CSMD1: variants seen among roughly 807,000 people sequenced by gnomAD.
CSMD1 encodes CUB and Sushi multiple domains 1, also known as CUB and sushi domain-containing protein 1.
A neutral mutation model predicts 417.5 loss-of-function variants in CSMD1; 213 were observed. That is an observed-to-expected ratio of 0.51 (90% CI 0.46 to 0.57). CSMD1 has a LOEUF of 0.57. Among genes scored for constraint, CSMD1 ranks in the 20% least tolerant of loss-of-function variants. CSMD1 has a pLI of 0.00. For missense variants in CSMD1, 6,923 were observed against 4,529.7 expected (o/e 1.53, Z -15.17); for synonymous variants, 2,862 against 1,736.8 (o/e 1.65, Z -16.11).
chr8:4,575,024 G>C (rs1042487681), intron 2 of CSMD1, among the ~76,000 whole-genome samples: 1 of 152,076 alleles, frequency 6.6e-6, no homozygotes, highest in Admixed American at 6.5e-5. Flanking sequence ...AAGGAGAAAG[G>C]GCCCCTGGAA....
At chr8:4,735,069 C>T (rs1166356350) in intron 1 of CSMD1, among the ~76,000 whole-genome samples, 1 of 152,214 alleles carries the variant, frequency 6.6e-6, no homozygotes, top group Non-Finnish European at 1.5e-5. Context: ...AAGCAAATTG[C>T]TGCTCGTTAA....
At chr8:3,836,798 C>A (rs1298469431) in intron 5 of CSMD1, among the ~76,000 whole-genome samples, 27 of 151,946 alleles carry the variant, frequency 1.8e-4, no homozygotes, top group Admixed American at 1.8e-3. Context: ...TTATTTATTT[C>A]TTCTCACAGT....
At chr8:3,387,749 C>G (rs773194838) in intron 17 of CSMD1, 67 bp from the exon 18 acceptor site, 1 of 1,260,618 alleles carries the variant, frequency 7.9e-7, no homozygotes, top group Non-Finnish European at 1.1e-6. Flanking sequence ...TAGAGACCCA[C>G]GCCATCAACT....
rs776640532 is a variant in CSMD1 at position 3,018,520 on chromosome 8, G to A, written c.7986C>T (p.Cys2662=). The A allele has an allele frequency of 1.2e-6, 2 of 1,613,590 alleles. No individual in the cohort carries two copies. The highest frequency in any genetic ancestry group is 2.2e-5 in the South Asian group (2 of 91,036). Residue 2662 remains cysteine, a synonymous_variant, in exon 52 of 70, where the codon TGC becomes TGT. Transcript: ENST00000635120. ...TGCCGCTCCAGAGCCCATTTGCCAA[G>A]CACTCTCTGACATGAGACCCCACAA... ...YTLVGSHVRE[C]LANGLWSGSE...
At position 4,266,780 on chromosome 8, in the gene CSMD1, A is replaced by G. The variant is rs1184060181; in HGVS notation, c.415+153173T>C. 1.9e-5 allele frequency among the ~76,000 whole-genome samples: 2 copies of G among 105,182 alleles called. 1 individual carries two copies. Among genetic ancestry groups the G allele is most frequent in the African/African-American group, 5.2e-5 (2 of 38,560 alleles). The allele number at this position is 105,182 out of a possible 152,430, so 69.0% of individuals were successfully genotyped here. On this transcript the variant is annotated intron_variant, in intron 3 of 69. Coordinates refer to ENST00000635120, the MANE Select transcript of CSMD1 (RefSeq NM_033225.6). ...CTATAAATCCTCAAAATAGTAGCAC[A>G]GAGAATCTAGATGAAAACTTAAATA...
At chr8:4,064,775 A>G (rs1365858185) in intron 3 of CSMD1, among the ~76,000 whole-genome samples, 2 of 152,118 alleles carry the variant, frequency 1.3e-5, no homozygotes, top group Non-Finnish European at 2.9e-5. Context: ...AATCCAGTCC[A>G]TTTAGAAACA....
intron 1 of CSMD1, chr8:4,788,159 A>T: frequency 1.3e-6 from 2 of 1,598,646 alleles, no homozygotes; most frequent in Non-Finnish European, 1.7e-6. Context: ...ACTGTGAAAA[A>T]ATCAAGAAGG....
chr8:3,052,381 C>T (rs566294111), intron 50 of CSMD1, 81 bp downstream of exon 50: 33 of 1,070,076 alleles, frequency 3.1e-5, no homozygotes, highest in African/African-American at 2.4e-4. Context: ...GACCTCTGAA[C>T]GTGGGAACCC....
At chr8:3,771,719 A>G (rs892789342) in intron 5 of CSMD1, among the ~76,000 whole-genome samples, 2 of 152,108 alleles carry the variant, frequency 1.3e-5, no homozygotes, top group African/African-American at 4.8e-5. Context: ...AGCAGACAAA[A>G]CGCAAGATTC....
intron 7 of CSMD1, among the ~76,000 whole-genome samples, chr8:3,660,189 G>A (rs1464531724): frequency 2.6e-5 from 4 of 152,164 alleles, no homozygotes. Context: ...GGTTTAGAGT[G>A]TGGGTTTGGG....
intron 3 of CSMD1, among the ~76,000 whole-genome samples, chr8:4,235,842 T>A (rs1802014615): frequency 6.6e-6 from 1 of 152,158 alleles, no homozygotes; most frequent in Non-Finnish European, 1.5e-5. Context: ...AGAGGAGACA[T>A]CCTGCCATCC....
chr8:3,602,618 G>A (rs536184197), intron 8 of CSMD1, among the ~76,000 whole-genome samples: 1 of 151,826 alleles, frequency 6.6e-6, no homozygotes, highest in Non-Finnish European at 1.5e-5. Context: ...AGTAGAATAT[G>A]GCAAACACAT....
At chr8:3,511,051 T>TA (rs1297338001) in intron 10 of CSMD1, among the ~76,000 whole-genome samples, 2 of 151,616 alleles carry the variant, frequency 1.3e-5, no homozygotes, top group African/African-American at 4.9e-5. Context: ...TATGCAGCAA[T>TA]AAAAAAGGAT....
chr8:4,234,937 A>C (rs937239361), intron 3 of CSMD1, among the ~76,000 whole-genome samples: 1 of 152,126 alleles, frequency 6.6e-6, no homozygotes, highest in African/African-American at 2.4e-5. Context: ...CTGATGTGCT[A>C]ATCTTGATTC....
intron 3 of CSMD1, among the ~76,000 whole-genome samples, chr8:4,288,799 C>T (rs915494038): frequency 6.6e-6 from 1 of 152,188 alleles, no homozygotes; most frequent in African/African-American, 2.4e-5. Flanking sequence ...TAGCAGCCAA[C>T]ATTGAGCAAA....
chr8:4,787,835 T>G (rs1165345172), intron 1 of CSMD1: 3 of 1,571,756 alleles, frequency 1.9e-6, no homozygotes, highest in African/African-American at 2.7e-5. Flanking sequence ...ATATTTGAAA[T>G]GCTGGAGAAA....
chr8:3,597,232 A>T (rs949806003), intron 8 of CSMD1, among the ~76,000 whole-genome samples: 1 of 152,164 alleles, frequency 6.6e-6, no homozygotes, highest in East Asian at 1.9e-4. Context: ...ATCGGGCCCC[A>T]GGGGTACACC....
chr8:3,301,933 T>A (rs1490219074), intron 25 of CSMD1, among the ~76,000 whole-genome samples: 1 of 152,184 alleles, frequency 6.6e-6, no homozygotes, highest in Non-Finnish European at 1.5e-5. Context: ...TTTCAGATTC[T>A]ATGCACTTTT....
chr8:3,157,777 A>G, intron 39 of CSMD1, 120 bp downstream of exon 39: 1 of 764,820 alleles, frequency 1.3e-6, no homozygotes, highest in East Asian at 2.8e-5. Context: ...TGCTATTAGT[A>G]TATAACACGT....
Sources: allele counts gnomAD v4.1 joint callset (sites outside exome capture counted in the v4.1 genomes callset), GRCh38; gene constraint gnomAD v4.1.1; transcripts MANE v1.5; gene names NCBI Gene and HGNC (gene_info 2026-07-23, HGNC 2026-07-21).